PIWIL2: variants seen among roughly 807,000 people sequenced by gnomAD.
The protein encoded by PIWIL2 is piwi like RNA-mediated gene silencing 2, also known as piwi-like protein 2.
A neutral mutation model predicts 116.5 loss-of-function variants in PIWIL2; 81 were observed. The observed-to-expected ratio is 0.70, with a 90% CI of 0.58 to 0.84. The LOEUF (loss-of-function observed/expected upper bound fraction) is 0.84, where lower values mean the gene tolerates loss of function less well. PIWIL2 is among the 40% of genes least tolerant of loss of function. PIWIL2 has a pLI of 0.00. For synonymous variants in PIWIL2, 489 were observed against 429.5 expected (o/e 1.14, Z -1.71); for missense variants, 1,272 against 1,212.3 (o/e 1.05, Z -0.73).
intron 20 of PIWIL2, among the ~76,000 whole-genome samples, chr8:22,350,227 G>C (rs901116100): frequency 2.2e-4 from 33 of 152,110 alleles, no homozygotes; most frequent in African/African-American, 7.7e-4. Flanking sequence ...TATCTTGTTG[G>C]GGGCAGGAGG....
chr8:22,337,652 C>G (rs1832010211), intron 20 of PIWIL2, among the ~76,000 whole-genome samples: 1 of 150,760 alleles, frequency 6.6e-6, no homozygotes, highest in Non-Finnish European at 1.5e-5. Context: ...ATAGCTTGTA[C>G]CTGGGAGGCG....
intron 10 of PIWIL2, among the ~76,000 whole-genome samples, chr8:22,293,603 G>C (rs1176158220): frequency 6.6e-6 from 1 of 152,194 alleles, no homozygotes; most frequent in Admixed American, 6.5e-5. Flanking sequence ...GGGATTACAG[G>C]CATGAACCAC....
At chr8:22,308,197 GT>G (rs375154486) in intron 14 of PIWIL2, 124 bp downstream of exon 14, 23,911 of 523,168 alleles carry the variant, frequency 0.046, 3 homozygotes, top group South Asian at 0.068. Context: ...ATTTTTCTAA[GT>G]TTTTTTTTTT....
intron 15 of PIWIL2, among the ~76,000 whole-genome samples, chr8:22,310,486 T>G (rs1042851862): frequency 1.3e-5 from 2 of 152,222 alleles, no homozygotes; most frequent in African/African-American, 4.8e-5. Flanking sequence ...GGCATATAAT[T>G]ACTTCTCAGT....
chr8:22,342,231 T>C (rs1024612271), intron 20 of PIWIL2, among the ~76,000 whole-genome samples: 1 of 152,192 alleles, frequency 6.6e-6, no homozygotes, highest in African/African-American at 2.4e-5. Context: ...GGATATCAAT[T>C]CTTCCCAAAT....
intron 20 of PIWIL2, among the ~76,000 whole-genome samples, chr8:22,329,837 A>G (rs189889028): frequency 6.6e-6 from 1 of 152,352 alleles, no homozygotes; most frequent in African/African-American, 2.4e-5. Context: ...ATAGGCTTAC[A>G]CAGTTATGGA....
chr8:22,276,279 T>C (rs1830366544), intron 1 of PIWIL2, among the ~76,000 whole-genome samples: 2 of 152,218 alleles, frequency 1.3e-5, no homozygotes, highest in Admixed American at 1.3e-4. Context: ...AAATGTATGA[T>C]TTCTCTGTAG....
rs1586560614 is a variant in PIWIL2, at chr8:22,305,875, A to T, written c.1456-52A>T. The T allele has an allele frequency of 2.3e-6, 3 of 1,321,552 alleles. 1 individual carries two copies. The Middle Eastern group carries it at 5.5e-4, about 244-fold the overall frequency. 81.9% of individuals were successfully genotyped at this position (1,321,552 alleles called of 1,614,324 possible). A position where few individuals can be genotyped will look rare whatever the true frequency, so the allele number is the denominator to read the frequency against. ...CCATGACATGTCCTGTATGGTCGGG[A>T]ACATGAGCCTCTTGTACTGCCTTAT... On this transcript the variant is annotated intron_variant, in intron 12 of 22. Transcript: ENST00000356766.
At chr8:22,281,728 A>C (rs1183103419) in intron 4 of PIWIL2, among the ~76,000 whole-genome samples, 1 of 151,426 alleles carries the variant, frequency 6.6e-6, no homozygotes, top group Non-Finnish European at 1.5e-5. Flanking sequence ...CTGTTCAAAA[A>C]TTCATTTGTC....
Position 22,288,625 on chromosome 8 carries a change from C to CTA in PIWIL2, c.946_947insAT (p.Ser316TyrfsTer16). ...AGATGACAAAGATCCTGGAGCCCTG[C>CTA]TCTGACCTGTGCATTCCCTTCTACA... On this transcript the variant is annotated frameshift_variant, in exon 8 of 23. Transcript: ENST00000356766. LOFTEE classifies it high-confidence loss of function. The CTA allele has an allele frequency of 1.9e-6, 3 of 1,613,618 alleles. No homozygotes were observed. The highest frequency in any genetic ancestry group is 2.5e-6 in the Non-Finnish European group (3 of 1,179,554).
chr8:22,318,339 C>T, intron 20 of PIWIL2, 64 bp downstream of exon 20: 1 of 875,416 alleles, frequency 1.1e-6, no homozygotes, highest in South Asian at 1.5e-5. Context: ...TTTTTTGAGA[C>T]AGAGTCTCAC....
intron 20 of PIWIL2, among the ~76,000 whole-genome samples, chr8:22,350,867 G>A (rs1216048972): frequency 1.3e-5 from 2 of 151,888 alleles, no homozygotes; most frequent in African/African-American, 2.4e-5. Context: ...TAGGCTGGGC[G>A]CAGTGGCTAA....
At chr8:22,279,669 A>G in intron 2 of PIWIL2, 85 bp downstream of exon 2, 1 of 1,309,990 alleles carries the variant, frequency 7.6e-7, no homozygotes, top group Non-Finnish European at 1.1e-6. Flanking sequence ...AAGTGCTTGC[A>G]GGGCTGGGCA....
chr8:22,283,927 T>C (rs925846263), intron 5 of PIWIL2, among the ~76,000 whole-genome samples: 34 of 152,340 alleles, frequency 2.2e-4, no homozygotes, highest in Admixed American at 1.8e-3. Flanking sequence ...TATTTGGTAA[T>C]GTTACTAGGA....
At chr8:22,307,271 C>T (rs1206238697) in intron 13 of PIWIL2, among the ~76,000 whole-genome samples, 1 of 151,862 alleles carries the variant, frequency 6.6e-6, no homozygotes, top group Non-Finnish European at 1.5e-5. Context: ...ATCTGCCTGT[C>T]TTGGCCTCCC....
At chr8:22,319,200 A>G (rs1234419633) in intron 20 of PIWIL2, among the ~76,000 whole-genome samples, 2 of 152,228 alleles carry the variant, frequency 1.3e-5, no homozygotes, top group Non-Finnish European at 2.9e-5. Flanking sequence ...GTAATTTCAT[A>G]TGATTGAACT....
chr8:22,294,899 G>GA (rs375806332), intron 10 of PIWIL2, among the ~76,000 whole-genome samples: 1,370 of 79,380 alleles, frequency 0.017, 289 homozygotes, highest in African/African-American at 0.065. Context: ...CATCTTTACT[G>GA]GAAAAAAAAA....
chr8:22,291,736 A>G (rs1158377542), intron 10 of PIWIL2, among the ~76,000 whole-genome samples: 1 of 152,144 alleles, frequency 6.6e-6, no homozygotes, highest in Non-Finnish European at 1.5e-5. Context: ...TCATTGCTTC[A>G]GTGTATACTT....
chr8:22,299,445 T>C (rs1830992169), intron 10 of PIWIL2, among the ~76,000 whole-genome samples: 1 of 152,146 alleles, frequency 6.6e-6, no homozygotes, highest in African/African-American at 2.4e-5. Context: ...TGACCTCAGG[T>C]GATCCACGCA....
Sources: gnomAD v4.1 joint callset for allele counts (sites outside exome capture counted in the v4.1 genomes callset) on GRCh38, gnomAD v4.1.1 for gene constraint, MANE v1.5 for transcripts, NCBI Gene and HGNC (gene_info 2026-07-23, HGNC 2026-07-21) for gene names.